The following GSE1 variants were observed in gnomAD, a reference collection of about 807,000 sequenced individuals.
GSE1 encodes the protein genetic suppressor element 1.
A neutral mutation model predicts 112.6 loss-of-function variants in GSE1; 32 were observed. The ratio of observed to expected loss-of-function variants is 0.28; its 90% CI spans 0.21 to 0.38. GSE1 has a LOEUF of 0.38. Ranked by LOEUF, GSE1 falls within the 10% of genes least tolerant of loss-of-function variation. GSE1 has a pLI of 1.00. For synonymous variants in GSE1, 1,115 were observed against 735.6 expected, an observed-to-expected ratio of 1.52 and a Z score of -8.35; for missense variants, 2,348 against 1,699.2, an observed-to-expected ratio of 1.38 and a Z score of -6.71.
At chr16:85,375,739 T>TTGGGC (rs10651438) in intron 2 of GSE1, among the ~76,000 whole-genome samples, 111,004 of 151,590 alleles carry the variant, frequency 0.73, 40,793 homozygotes, top group Middle Eastern at 0.77. Context: ...CACACAGGCC[T>TTGGGC]GCCTGTCTCT....
intron 1 of GSE1, among the ~76,000 whole-genome samples, chr16:85,615,387 C>A (rs1396550438): frequency 6.6e-6 from 1 of 152,206 alleles, no homozygotes; most frequent in African/African-American, 2.4e-5. Flanking sequence ...AGCCCCGTGT[C>A]GGCAGCGTTC....
Position 85,404,130 on chromosome 16 carries a change from C to A in GSE1, c.2464+46487C>A, listed in dbSNP as rs1468996794. The stretch of plus-strand genomic sequence containing the variant: ...ATAATCCTCACTGTTACACTCAGGG[C>A]CCCCCTGGATAATCCACACCGTTAC... On this transcript the variant is annotated intron_variant, in intron 2 of 2. Transcript: ENST00000637419. Among the ~76,000 whole-genome samples the A allele has an allele frequency of 3.2e-5, 4 of 123,098 alleles. 1 individual carries two copies. Among genetic ancestry groups the A allele is most frequent in the African/African-American group, 9.1e-5 (3 of 32,942 alleles). The allele number at this position is 123,098 out of a possible 152,430, so 80.8% of individuals were successfully genotyped here. A position where few individuals can be genotyped will look rare whatever the true frequency, so the allele number is the denominator to read the frequency against.
intron 1 of GSE1, among the ~76,000 whole-genome samples, chr16:85,302,359 C>T (rs1270566004): frequency 1.3e-5 from 2 of 152,072 alleles, no homozygotes; most frequent in South Asian, 2.1e-4. Context: ...TCAATGAATT[C>T]GTCATTGTGT....
intron 1 of GSE1, among the ~76,000 whole-genome samples, chr16:85,307,138 G>A (rs1284754135): frequency 6.6e-6 from 1 of 152,054 alleles, no homozygotes; most frequent in African/African-American, 2.4e-5. Flanking sequence ...GCCCCCGATA[G>A]TGGGGGTGGG....
At chr16:85,301,861 C>G (rs2045536107) in intron 1 of GSE1, among the ~76,000 whole-genome samples, 1 of 152,244 alleles carries the variant, frequency 6.6e-6, no homozygotes, top group Non-Finnish European at 1.5e-5. Flanking sequence ...AACCCGTGAC[C>G]TTGTCCCCAT....
intron 1 of GSE1, among the ~76,000 whole-genome samples, chr16:85,597,407 A>C (rs1270727281): frequency 6.6e-6 from 1 of 151,188 alleles, no homozygotes; most frequent in African/African-American, 2.4e-5. Flanking sequence ...AAGAAGAAGA[A>C]AGTTCTGTCA....
At chr16:85,664,847 T>C (rs1247693998) in intron 11 of GSE1, 168 bp from the exon 12 acceptor site, 2 of 603,492 alleles carry the variant, frequency 3.3e-6, no homozygotes, top group South Asian at 1.9e-5. Flanking sequence ...CTGGGCTCGC[T>C]TTGAGATGGT....
rs376688311 is a variant in GSE1 at position 85,390,999 on chromosome 16, G to A, written c.2464+33356G>A. ...ATTGCAGTGCCTTCACGGCTCCGCC[G>A]CTGCGCCCTGGGAGTTGACAGGACA... is the stretch of plus-strand genomic sequence containing the variant. On this transcript the variant is annotated intron_variant, in intron 2 of 2. Coordinates refer to the GSE1 transcript ENST00000637419. Among the ~76,000 whole-genome samples the A allele has an allele frequency of 1.2e-4, 19 of 152,234 alleles. No individual in the cohort carries two copies. The South Asian group carries it at 3.1e-3, about 25-fold the overall frequency.
At chr16:85,374,267 AGT>A (rs2047366712) in intron 2 of GSE1, among the ~76,000 whole-genome samples, 1 of 145,808 alleles carries the variant, frequency 6.9e-6, no homozygotes. Context: ...CTCGGTGTGC[AGT>A]GTGTGTCAGT....
intron 1 of GSE1, among the ~76,000 whole-genome samples, chr16:85,198,226 C>T (rs1016757146): frequency 3.3e-5 from 5 of 152,176 alleles, no homozygotes; most frequent in Non-Finnish European, 5.9e-5. Flanking sequence ...TAGCTCCCAA[C>T]CATGGGGACC....
chr16:85,514,840 A>G (rs1488630938), intron 2 of GSE1, among the ~76,000 whole-genome samples: 1 of 152,072 alleles, frequency 6.6e-6, no homozygotes, highest in African/African-American at 2.4e-5. Flanking sequence ...GGATCCTGGG[A>G]GCTGCAGGCC....
At chr16:85,223,228 T>C (rs4783152) in intron 1 of GSE1, among the ~76,000 whole-genome samples, 76,060 of 152,098 alleles carry the variant, frequency 0.5, 19,294 homozygotes, top group African/African-American at 0.57. Context: ...CCTTTTAAAA[T>C]TGTGGTAAAA....
intron 1 of GSE1, chr16:85,592,164 GTTTTTGTTTT>G (rs2151437788): frequency 6.6e-6 from 1 of 151,218 alleles, no homozygotes; most frequent in South Asian, 2.1e-4. Context: ...TTGTTTGTTT[GTTTTTGTTTT>G]TTTTTTGAGA....
intron 1 of GSE1, among the ~76,000 whole-genome samples, chr16:85,222,503 C>T (rs1326060571): frequency 6.6e-6 from 1 of 152,194 alleles, no homozygotes; most frequent in Non-Finnish European, 1.5e-5. Flanking sequence ...CACCAGGCCA[C>T]CAGCAGCTTC....
intron 1 of GSE1, among the ~76,000 whole-genome samples, chr16:85,259,022 G>T (rs558121953): frequency 6.6e-6 from 1 of 152,296 alleles, no homozygotes; most frequent in Admixed American, 6.5e-5. Context: ...TGCCAGGCTG[G>T]GGAGAAGTTC....
chr16:85,542,966 G>A (rs1009044013), intron 2 of GSE1, among the ~76,000 whole-genome samples: 2 of 152,218 alleles, frequency 1.3e-5, no homozygotes, highest in Non-Finnish European at 2.9e-5. Flanking sequence ...GGTGGCTCAT[G>A]CCTGTAATCC....
chr16:85,633,569 G>A (rs529228221), intron 1 of GSE1, among the ~76,000 whole-genome samples: 1 of 152,266 alleles, frequency 6.6e-6, no homozygotes, highest in East Asian at 1.9e-4. Context: ...CCTTCCCCAC[G>A]CCATTTGATG....
intron 1 of GSE1, among the ~76,000 whole-genome samples, chr16:85,600,564 C>A (rs374221549): frequency 3.6e-4 from 54 of 148,582 alleles, no homozygotes; most frequent in Admixed American, 1.5e-3. Context: ...TGTTAAAAAA[C>A]ACACACACAC....
At chr16:85,649,083 C>T (rs1171361820) in intron 3 of GSE1, among the ~76,000 whole-genome samples, 3 of 152,192 alleles carry the variant, frequency 2.0e-5, no homozygotes, top group Non-Finnish European at 2.9e-5. Context: ...TCCTGGGTTG[C>T]CGGTGGCTGC....
Sources: gnomAD v4.1 joint callset for allele counts (sites outside exome capture counted in the v4.1 genomes callset) on GRCh38, gnomAD v4.1.1 for gene constraint, MANE v1.5 for transcripts, NCBI Gene and HGNC (gene_info 2026-07-23, HGNC 2026-07-21) for gene names.